IL17RD: variants seen among roughly 807,000 people sequenced by gnomAD.
IL17RD encodes interleukin-17 receptor D.
Under a neutral mutation model 80.5 loss-of-function variants are expected in IL17RD, and 52 were observed. The ratio of observed to expected loss-of-function variants is 0.65; its 90% confidence interval spans 0.52 to 0.81. IL17RD has a LOEUF of 0.81. Among genes scored for constraint, IL17RD ranks in the 40% least tolerant of loss-of-function variants. The pLI is 0.00. For missense variants in IL17RD, 1,024 were observed against 955.1 expected, an observed-to-expected ratio of 1.07 and a Z score of -0.95; for synonymous variants, 416 against 391.8, an observed-to-expected ratio of 1.06 and a Z score of -0.73.
chr3:57,105,536 C>CAAAGAAAAAAAAAA (rs1706935136), intron 7 of IL17RD, among the ~76,000 whole-genome samples: 1 of 35,608 alleles, frequency 2.8e-5, no homozygotes, highest in Non-Finnish European at 5.9e-5. Context: ...GACTCCATCT[C>CAAAGAAAAAAAAAA]AAAAAAAAAA....
rs762095129 is a variant in IL17RD at position 57,120,325 on chromosome 3, C to T, written c.127-12G>A. On this transcript the variant is annotated splice_polypyrimidine_tract_variant and intron_variant, in intron 1 of 12. Transcript: ENST00000296318. ...GCTGGCCCCACTCCCTGTGGGAAAA[C>T]AAGAGAACATGATGCAGAGTGAAGC... The T allele has an allele frequency of 3.7e-6, 6 of 1,610,376 alleles. No individual in the cohort carries two copies. Among genetic ancestry groups the T allele is most frequent in the Non-Finnish European group, 5.1e-6 (6 of 1,176,796 alleles).
upstream of IL17RD, among the ~76,000 whole-genome samples, chr3:57,169,014 A>G (rs535867560): frequency 8.5e-4 from 130 of 152,362 alleles, no homozygotes; most frequent in Non-Finnish European, 1.5e-3. Context: ...CGCCGCTCCC[A>G]GTCTCCATCT....
chr3:57,149,370 T>C (rs1369511432), intron 1 of IL17RD, among the ~76,000 whole-genome samples: 2 of 152,176 alleles, frequency 1.3e-5, no homozygotes, highest in Admixed American at 1.3e-4. Flanking sequence ...AGGTGAGTCT[T>C]CATCCCAAGG....
chr3:57,098,671 C>T, intron 11 of IL17RD, 133 bp from the exon 12 acceptor site: 1 of 660,290 alleles, frequency 1.5e-6, no homozygotes, highest in Non-Finnish European at 2.6e-6. Context: ...CAGCTATGTG[C>T]AGGCTCCAGG....
chr3:57,158,554 T>TC (rs1188848735), intron 1 of IL17RD, among the ~76,000 whole-genome samples: 2 of 151,924 alleles, frequency 1.3e-5, no homozygotes, highest in African/African-American at 2.4e-5. Context: ...ACCTATTAAG[T>TC]CCCCCCCTTT....
chr3:57,135,453 C>G (rs893054168), intron 1 of IL17RD, among the ~76,000 whole-genome samples: 1 of 152,188 alleles, frequency 6.6e-6, no homozygotes, highest in Admixed American at 6.5e-5. Flanking sequence ...CTTTTGAAGA[C>G]AGCTTTATTA....
chr3:57,149,296 C>CAA (rs111306706), intron 1 of IL17RD, among the ~76,000 whole-genome samples: 1,812 of 88,324 alleles, frequency 0.021, 50 homozygotes, highest in African/African-American at 0.06. Context: ...AACTCCATCT[C>CAA]AAAAAAAAAA....
intron 1 of IL17RD, among the ~76,000 whole-genome samples, chr3:57,139,507 A>G (rs1707790506): frequency 6.8e-6 from 1 of 147,946 alleles, no homozygotes; most frequent in Admixed American, 7.0e-5. Flanking sequence ...ACATGCAATG[A>G]AAATTTCCTT....
upstream of IL17RD, among the ~76,000 whole-genome samples, chr3:57,168,588 G>T (rs2060357224): frequency 6.6e-6 from 1 of 152,150 alleles, no homozygotes; most frequent in Non-Finnish European, 1.5e-5. Flanking sequence ...GACACCAAAG[G>T]GTCAAATCTG....
intron 1 of IL17RD, among the ~76,000 whole-genome samples, chr3:57,158,592 C>G (rs2060283890): frequency 1.3e-5 from 2 of 152,092 alleles, no homozygotes; most frequent in Non-Finnish European, 2.9e-5. Context: ...TTAGCTACAT[C>G]CACCTTCCCC....
intron 1 of IL17RD, among the ~76,000 whole-genome samples, chr3:57,141,675 A>AG (rs1345592321): frequency 6.6e-6 from 1 of 152,092 alleles, no homozygotes; most frequent in Non-Finnish European, 1.5e-5. Flanking sequence ...CATTTCTGGG[A>AG]GGAAAAAAAA....
rs1005238489 is a variant in IL17RD, at chr3:57,097,881, C to A, written c.1822G>T (p.Ala608Ser). 6.2e-7 allele frequency: 1 copy of A among 1,613,910 alleles called. No individual in the cohort carries two copies. Among genetic ancestry groups the A allele is most frequent in the Non-Finnish European group, 8.5e-7 (1 of 1,179,876 alleles). The change falls in exon 12 of 13, where the codon GCT becomes TCT. Residue 608 changes from alanine (A) to serine (S), a missense_variant. Physicochemically the swap from Ala to Ser is moderately conservative, Grantham distance 99. Coordinates refer to ENST00000296318, the MANE Select transcript of IL17RD (RefSeq NM_017563.5). ...ESDFCLKVEA[A>S]VLGATGPADS... ...GCTGGTCCGGTTGCCCCAAGAACAGCCGCCTCTACCTTTAGGCAGAAGTCA... is the reference window on the plus strand; with the variant it reads ...GCTGGTCCGGTTGCCCCAAGAACAGACGCCTCTACCTTTAGGCAGAAGTCA...
chr3:57,096,534 A>G lies in IL17RD; in HGVS notation c.2108-29T>C, dbSNP rs770836152. 5 of 1,445,330 alleles carry G rather than the reference A, an allele frequency of 3.5e-6. No individual in the cohort carries two copies. The Admixed American group carries it at 8.4e-5, about 24-fold the overall frequency. 89.5% of individuals were successfully genotyped at this position (1,445,330 alleles called of 1,614,324 possible). On this transcript the variant is annotated intron_variant, in intron 12 of 12. Transcript: ENST00000296318. ...AGGAGAGAAGAGAGTACAGAGTCAC[A>G]CTGTCATTGCATTTCACTGGGCTGG...
chr3:57,160,795 A>C (rs1001755447), intron 1 of IL17RD, among the ~76,000 whole-genome samples: 21 of 152,210 alleles, frequency 1.4e-4, no homozygotes, highest in Non-Finnish European at 2.4e-4. Context: ...CAGCATGCGT[A>C]TCCTCAAAAG....
chr3:57,113,203 T>C (rs1707136892), intron 3 of IL17RD, among the ~76,000 whole-genome samples: 1 of 152,198 alleles, frequency 6.6e-6, no homozygotes, highest in Non-Finnish European at 1.5e-5. Context: ...AATACAGGTT[T>C]GCTTTTTTCT....
At chr3:57,117,784 G>A (rs1488123) in intron 2 of IL17RD, among the ~76,000 whole-genome samples, 24,169 of 152,172 alleles carry the variant, frequency 0.16, 2,482 homozygotes, top group East Asian at 0.37. Context: ...CCAATTACTA[G>A]CAAGTCCAAA....
rs1470236497 is a variant in IL17RD at position 57,127,233 on chromosome 3, AATATATAAATAT to A, written c.127-6932_127-6921del. Among the ~76,000 whole-genome samples the A allele has an allele frequency of 6.1e-4, 53 of 86,814 alleles. 5 individuals carry two copies. Among genetic ancestry groups the A allele is most frequent in the South Asian group, 5.1e-3 (16 of 3,108 alleles). The allele number at this position is 86,814 out of a possible 152,430, so 57.0% of individuals were successfully genotyped here. ...AAAAATATATATAAATATATATAAA[AATATATAAATAT>A]ATATATAAATATATATAAATATATA... On this transcript the variant is annotated intron_variant, in intron 1 of 12. Transcript: ENST00000296318.
At chr3:57,167,212 T>C (rs1411858003), upstream of IL17RD, among the ~76,000 whole-genome samples, 1 of 152,100 alleles carries the variant, frequency 6.6e-6, no homozygotes, top group Non-Finnish European at 1.5e-5. Flanking sequence ...TTTTTTTTTT[T>C]ACCTCACTGC....
intron 1 of IL17RD, among the ~76,000 whole-genome samples, chr3:57,152,161 C>A (rs1023602208): frequency 6.6e-6 from 1 of 152,080 alleles, no homozygotes; most frequent in South Asian, 2.1e-4. Context: ...CCAGAGCAAA[C>A]GAGACCAAGC....
Sources: gnomAD v4.1 joint callset for allele counts (sites outside exome capture counted in the v4.1 genomes callset) on GRCh38, gnomAD v4.1.1 for gene constraint, MANE v1.5 for transcripts, NCBI Gene and HGNC (gene_info 2026-07-23, HGNC 2026-07-21) for gene names.